Variants in PPP1R37 observed in about 807,000 individuals in gnomAD.
The protein encoded by PPP1R37 is leucine rich repeat containing 68.
Under a neutral mutation model 61.0 loss-of-function variants are expected in PPP1R37, and 21 were observed. The ratio of observed to expected loss-of-function variants is 0.34; its 90% CI spans 0.24 to 0.50. The LOEUF (loss-of-function observed/expected upper bound fraction) is 0.50. Among genes scored for constraint, PPP1R37 ranks in the 20% least tolerant of loss-of-function variants. PPP1R37 has a pLI of 0.98. For missense variants in PPP1R37, 910 were observed against 952.7 expected, an observed-to-expected ratio of 0.96 and a Z score of 0.59; for synonymous variants, 443 against 433.5, an observed-to-expected ratio of 1.02 and a Z score of -0.27.
chr19:45,143,289 A>T, intron 7 of PPP1R37: 2 of 478,490 alleles, frequency 4.2e-6, no homozygotes, highest in Non-Finnish European at 7.6e-6. Flanking sequence ...AGGTGGTCAC[A>T]TTTGAGCAAA....
chr19:45,109,685 G>C (rs1968175778), intron 1 of PPP1R37, among the ~76,000 whole-genome samples: 1 of 152,188 alleles, frequency 6.6e-6, no homozygotes, highest in Non-Finnish European at 1.5e-5. Flanking sequence ...GCAAGTCCCA[G>C]GAGCCTCAAG....
chr19:45,125,308 C>T (rs10413253), intron 1 of PPP1R37, among the ~76,000 whole-genome samples: 42,236 of 151,654 alleles, frequency 0.28, 6,219 homozygotes, highest in African/African-American at 0.33. Flanking sequence ...ACTAAAAATA[C>T]AAAAATTAGC....
intron 1 of PPP1R37, among the ~76,000 whole-genome samples, chr19:45,134,793 C>T (rs940725441): frequency 3.3e-5 from 5 of 152,146 alleles, no homozygotes; most frequent in Admixed American, 2.0e-4. Context: ...GATGTGACCT[C>T]CTCGGTCTCT....
intron 1 of PPP1R37, among the ~76,000 whole-genome samples, chr19:45,132,013 G>T (rs1329888960): frequency 6.6e-6 from 1 of 152,174 alleles, no homozygotes; most frequent in Non-Finnish European, 1.5e-5. Flanking sequence ...CTTATTCCAA[G>T]CCGTTACCTC....
At chr19:45,139,822 G>A (rs1174081211) in intron 2 of PPP1R37, among the ~76,000 whole-genome samples, 1 of 152,216 alleles carries the variant, frequency 6.6e-6, no homozygotes, top group African/African-American at 2.4e-5. Context: ...CTGACTGGGT[G>A]CTGGGCCCCA....
chr19:45,107,962 A>C (rs367803784), intron 1 of PPP1R37, among the ~76,000 whole-genome samples: 47 of 152,280 alleles, frequency 3.1e-4, no homozygotes, highest in Non-Finnish European at 5.3e-4. Flanking sequence ...TTTCAGTTGC[A>C]TAGATAATGC....
intron 1 of PPP1R37, among the ~76,000 whole-genome samples, chr19:45,127,467 A>G (rs894981644): frequency 2.0e-5 from 3 of 151,850 alleles, no homozygotes; most frequent in Admixed American, 2.0e-4. Flanking sequence ...GGCTGTGCTG[A>G]GTACCCTCGG....
rs1461945052 is a variant in PPP1R37 at position 45,121,949 on chromosome 19, A to G, written c.203-16565A>G. ...GAGTGAGGATGGTCTCCACGTGGGC[A>G]GTGTAGACGTGTGGTTTTGCAGGGA... On this transcript the variant is annotated intron_variant, in intron 1 of 12. Coordinates refer to ENST00000221462, the MANE Select transcript of PPP1R37 (RefSeq NM_019121.2). The surrounding 1 kb of genome is among the most constrained non-coding windows in gnomAD (Gnocchi z 4.2). 6.6e-6 allele frequency among the ~76,000 whole-genome samples: 1 copy of G among 152,170 alleles called. No individual in the cohort carries two copies. Among genetic ancestry groups the G allele is most frequent in the Non-Finnish European group, 1.5e-5 (1 of 68,018 alleles).
At chr19:45,097,941 C>T (rs951214544) in intron 1 of PPP1R37, among the ~76,000 whole-genome samples, 7 of 152,120 alleles carry the variant, frequency 4.6e-5, no homozygotes, top group Non-Finnish European at 8.8e-5. Flanking sequence ...CGTGGGGATG[C>T]CAGTGGGGCA....
chr19:45,140,304 A>G, intron 3 of PPP1R37, 23 bp downstream of exon 3: 1 of 1,534,758 alleles, frequency 6.5e-7, no homozygotes, highest in Non-Finnish European at 8.7e-7. Context: ...CTAGGGGTTG[A>G]GAGCCCTTGG....
At chr19:45,095,299 A>C (rs1967978283) in intron 1 of PPP1R37, among the ~76,000 whole-genome samples, 2 of 150,716 alleles carry the variant, frequency 1.3e-5, no homozygotes, top group African/African-American at 2.5e-5. Context: ...CACCTGGCTA[A>C]AAATGTTTGT....
Position 45,140,246 on chromosome 19 carries a change from A to G in PPP1R37, c.311A>G (p.Asp104Gly). ...KLLRQLQEFT[D>G]LGHRLDCLDL... is the part of the protein sequence containing the mutation. ...ACTCTACTTTCTCAGGAATTCACAG[A>G]CCTCGGGCACCGCCTCGACTGTCTG... The change falls in exon 3 of 13, where the codon GAC becomes GGC. Residue 104 changes from aspartate (D) to glycine (G), a missense_variant. By Grantham distance (94) the Asp-to-Gly change is moderately conservative (BLOSUM62 -1). This residue lies in a region of PPP1R37 where 280 missense variants were observed against 382.2 expected (regional missense o/e 0.73). Coordinates refer to ENST00000221462, the MANE Select transcript of PPP1R37 (RefSeq NM_019121.2). 1.3e-6 allele frequency: 2 copies of G among 1,535,908 alleles called. No individual in the cohort carries two copies. The highest frequency in any genetic ancestry group is 1.7e-6 in the Non-Finnish European group (2 of 1,146,816).
chr19:45,105,307 G>A (rs775190303), intron 1 of PPP1R37, among the ~76,000 whole-genome samples: 5 of 152,150 alleles, frequency 3.3e-5, no homozygotes, highest in East Asian at 1.9e-4. Flanking sequence ...GAATGGCAGC[G>A]CAGGACTGGC....
intron 1 of PPP1R37, among the ~76,000 whole-genome samples, chr19:45,116,067 C>T (rs894963619): frequency 3.3e-5 from 5 of 152,252 alleles, no homozygotes; most frequent in East Asian, 3.9e-4. Flanking sequence ...CCTTGACTTC[C>T]GCTTTCATCC....
chr19:45,117,134 A>G (rs1256535028), intron 1 of PPP1R37, among the ~76,000 whole-genome samples: 1 of 152,036 alleles, frequency 6.6e-6, no homozygotes, highest in Admixed American at 6.5e-5. Context: ...GCTGGTCTCG[A>G]ACTCCTGACC....
chr19:45,093,575 G>A, intron 1 of PPP1R37, 48 bp downstream of exon 1: 1 of 1,463,800 alleles, frequency 6.8e-7, no homozygotes, highest in Non-Finnish European at 9.2e-7. Flanking sequence ...GGACCCGGGA[G>A]TCGGGAGGGA....
Position 45,142,219 on chromosome 19 carries a change from C to T in PPP1R37, c.718+8C>T. 1 of 1,533,390 alleles carries T rather than the reference C, an allele frequency of 6.5e-7. No homozygotes were observed. Among genetic ancestry groups the T allele is most frequent in the Non-Finnish European group, 8.7e-7 (1 of 1,145,220 alleles). The allele number at this position is 1,533,390 out of a possible 1,614,324, so 95.0% of individuals were successfully genotyped here. On this transcript the variant is annotated splice_region_variant and intron_variant, in intron 6 of 12. Transcript: ENST00000221462. ...GGCCCCTCATGCTGCTCGGTGAGCC[C>T]CAAGCCCGGGAGGGTGAGCAGGATG...
chr19:45,123,673 C>T (rs774561713), intron 1 of PPP1R37, among the ~76,000 whole-genome samples: 9 of 152,168 alleles, frequency 5.9e-5, no homozygotes, highest in East Asian at 3.8e-4. Context: ...ATGCAGTAAT[C>T]GAGTGTTTGG....
chr19:45,116,906 G>A (rs1420081631), intron 1 of PPP1R37, among the ~76,000 whole-genome samples: 1 of 147,154 alleles, frequency 6.8e-6, no homozygotes, highest in African/African-American at 2.5e-5. Context: ...TCTCAGAGGA[G>A]GTGACTTTTT....
Sources: allele counts gnomAD v4.1 joint callset (sites outside exome capture counted in the v4.1 genomes callset), GRCh38; gene constraint gnomAD v4.1.1; regional missense constraint gnomAD v4.1.1; non-coding constraint Gnocchi (gnomAD v3.1); transcripts MANE v1.5; gene names NCBI Gene and HGNC (gene_info 2026-07-23, HGNC 2026-07-21).